Variants in CCDC85C observed in about 807,000 individuals in gnomAD.
CCDC85C encodes coiled-coil domain containing 85C.
CCDC85C carries 18 observed loss-of-function variants against 38.3 expected under a neutral mutation model. That is an observed-to-expected ratio of 0.47 (90% CI 0.33 to 0.70). The LOEUF (loss-of-function observed/expected upper bound fraction) is 0.70, where lower values mean the gene tolerates loss of function less well. Ranked by LOEUF, CCDC85C falls within the 30% of genes least tolerant of loss-of-function variation. CCDC85C has a pLI of 0.03. For synonymous variants in CCDC85C, 264 were observed against 293.8 expected (o/e 0.90, Z 1.04); for missense variants, 566 against 621.2 (o/e 0.91, Z 0.94).
At chr14:99,531,865 G>GTTT (rs1408381304) in intron 2 of CCDC85C, among the ~76,000 whole-genome samples, 1 of 152,218 alleles carries the variant, frequency 6.6e-6, no homozygotes, top group Non-Finnish European at 1.5e-5. Flanking sequence ...CTTTCTTCAA[G>GTTT]ATTCCCAAAC....
Position 99,500,494 on chromosome 14 carries a change from T to C in CCDC85C, c.*14752A>G, listed in dbSNP as rs1057127159. 5.8e-6 allele frequency: 2 copies of C among 344,554 alleles called. No homozygotes were observed. The highest frequency in any genetic ancestry group is 1.1e-5 in the Non-Finnish European group (2 of 190,378). 21.3% of individuals were successfully genotyped at this position (344,554 alleles called of 1,614,324 possible). On this transcript the variant is annotated 3_prime_UTR_variant, in exon 6 of 6. Transcript: ENST00000380243. Reference sequence around the variant, plus strand: ...TGTTTTGTAAAGGGAGACTCATGTATGTATTGAAAATAATAATATTTTTAA... The same window carrying C: ...TGTTTTGTAAAGGGAGACTCATGTACGTATTGAAAATAATAATATTTTTAA...
chr14:99,565,887 G>A (rs111654658), intron 1 of CCDC85C, among the ~76,000 whole-genome samples: 44 of 152,218 alleles, frequency 2.9e-4, no homozygotes, highest in African/African-American at 1.1e-3. Flanking sequence ...ATACACGAGG[G>A]CATGCCAGCA....
chr14:99,534,764 C>A, intron 2 of CCDC85C: 4 of 701,540 alleles, frequency 5.7e-6, no homozygotes, highest in South Asian at 3.0e-5. Context: ...GAGACCCCAG[C>A]CCCTCCTGCC....
At chr14:99,540,157 G>C (rs972132540) in intron 1 of CCDC85C, among the ~76,000 whole-genome samples, 4 of 151,922 alleles carry the variant, frequency 2.6e-5, no homozygotes, top group Admixed American at 1.3e-4. Context: ...AAAAAAAAGG[G>C]GGGGGAACGG....
intron 1 of CCDC85C, 83 bp from the exon 2 acceptor site, chr14:99,536,171 G>A (rs767274140): frequency 1.7e-4 from 168 of 988,866 alleles, no homozygotes; most frequent in African/African-American, 1.0e-3. Context: ...CCCCAGACCC[G>A]GCATGGAAGG....
At position 99,502,443 on chromosome 14, in the gene CCDC85C, T is replaced by G. The variant is rs1896856283; in HGVS notation, c.*12803A>C. On this transcript the variant is annotated 3_prime_UTR_variant, in exon 6 of 6. Transcript: ENST00000380243. Reference sequence around the variant, plus strand: ...TGAGATGATTCTTCCATGTGTACCCTGAGTCCCAAGAATGGATTTTCCCAG... The same window carrying G: ...TGAGATGATTCTTCCATGTGTACCCGGAGTCCCAAGAATGGATTTTCCCAG... 6.4e-7 allele frequency: 1 copy of G among 1,551,804 alleles called. No homozygotes were observed. The highest frequency in any genetic ancestry group is 8.7e-7 in the Non-Finnish European group (1 of 1,150,868).
chr14:99,563,979 C>T (rs539495021), intron 1 of CCDC85C, among the ~76,000 whole-genome samples: 45 of 152,284 alleles, frequency 3.0e-4, no homozygotes, highest in African/African-American at 8.7e-4. Context: ...AGCCTGGGCA[C>T]GGACCATCTG....
chr14:99,571,868 C>T (rs1225705616), intron 1 of CCDC85C, among the ~76,000 whole-genome samples: 1 of 152,212 alleles, frequency 6.6e-6, no homozygotes, highest in East Asian at 1.9e-4. Context: ...CCTTTTCTTC[C>T]TGCTTTCTGG....
At chr14:99,570,129 A>G (rs1184250686) in intron 1 of CCDC85C, among the ~76,000 whole-genome samples, 1 of 152,078 alleles carries the variant, frequency 6.6e-6, no homozygotes, top group African/African-American at 2.4e-5. Context: ...ATCCACGCGC[A>G]GCTTTCACAT....
chr14:99,503,753 C>A lies in CCDC85C; in HGVS notation c.*11493G>T. The A allele has an allele frequency of 1.1e-6, 1 of 917,218 alleles. No homozygotes were observed. Among genetic ancestry groups the A allele is most frequent in the Non-Finnish European group, 1.7e-6 (1 of 601,032 alleles). The allele number at this position is 917,218 out of a possible 1,614,324, so 56.8% of individuals were successfully genotyped here. A position where few individuals can be genotyped will look rare whatever the true frequency, so the allele number is the denominator to read the frequency against. Reference sequence around the variant, plus strand: ...GATCTAAATTGGCCTTAAATCTTAACTTTAGAGCTCATACAAAACTTTTCC... The same window carrying A: ...GATCTAAATTGGCCTTAAATCTTAAATTTAGAGCTCATACAAAACTTTTCC... On this transcript the variant is annotated 3_prime_UTR_variant, in exon 6 of 6. Coordinates refer to ENST00000380243, the MANE Select transcript of CCDC85C (RefSeq NM_001144995.2).
chr14:99,591,331 C>T (rs2055083849), intron 1 of CCDC85C, among the ~76,000 whole-genome samples: 1 of 152,274 alleles, frequency 6.6e-6, no homozygotes, highest in African/African-American at 2.4e-5. Context: ...TGGACCCCCA[C>T]ATGCGCCCGC....
At chr14:99,586,678 C>T (rs1415752398) in intron 1 of CCDC85C, among the ~76,000 whole-genome samples, 4 of 152,210 alleles carry the variant, frequency 2.6e-5, no homozygotes, top group African/African-American at 9.7e-5. Flanking sequence ...GGCATTATTT[C>T]CAGATGCCAA....
Position 99,501,058 on chromosome 14 carries a change from C to T in CCDC85C, c.*14188G>A, listed in dbSNP as rs1896812403. 2 of 604,612 alleles carry T rather than the reference C, an allele frequency of 3.3e-6. No homozygotes were observed. The allele number at this position is 604,612 out of a possible 1,614,324, so 37.5% of individuals were successfully genotyped here. A position where few individuals can be genotyped will look rare whatever the true frequency, so the allele number is the denominator to read the frequency against. ...CTGTTTCCTTTTATGTATAAACAGG[C>T]TCTGTCATCCAGTTGCCAAGTGATG... On this transcript the variant is annotated 3_prime_UTR_variant, in exon 6 of 6. Coordinates refer to ENST00000380243, the MANE Select transcript of CCDC85C (RefSeq NM_001144995.2).
intron 1 of CCDC85C, among the ~76,000 whole-genome samples, chr14:99,542,843 G>C (rs1897739090): frequency 3.3e-5 from 5 of 152,212 alleles, no homozygotes. Context: ...GAGCACTTCG[G>C]GTTTCCCCCA....
In CCDC85C at chr14:99,500,631, G is replaced by A. The variant is rs1896801769; in HGVS notation, c.*14615C>T. ...CTGAGCATGTTAAAAGTCTGAGTGG[G>A]AGAGAAAGGAAGGAAAGGCAGTTGC... is the stretch of plus-strand genomic sequence containing the variant. On this transcript the variant is annotated 3_prime_UTR_variant, in exon 6 of 6. Transcript: ENST00000380243. 3.0e-6 allele frequency: 2 copies of A among 664,114 alleles called. No individual in the cohort carries two copies. Among genetic ancestry groups the A allele is most frequent in the East Asian group, 2.8e-5 (1 of 35,248 alleles). 41.1% of individuals were successfully genotyped at this position (664,114 alleles called of 1,614,324 possible). A position where few individuals can be genotyped will look rare whatever the true frequency, so the allele number is the denominator to read the frequency against.
In CCDC85C at chr14:99,501,665, A is replaced by C; in HGVS notation, c.*13581T>G. 2.1e-6 allele frequency: 1 copy of C among 466,300 alleles called. No individual in the cohort carries two copies. 28.9% of individuals were successfully genotyped at this position (466,300 alleles called of 1,614,324 possible). A position where few individuals can be genotyped will look rare whatever the true frequency, so the allele number is the denominator to read the frequency against. ...TCACCAGTCTGAAACATAAGTCCAA[A>C]ACAATACACTGGAGAATTTTGAAAA... On this transcript the variant is annotated 3_prime_UTR_variant, in exon 6 of 6. Transcript: ENST00000380243.
rs796370747 is a variant in CCDC85C at position 99,571,032 on chromosome 14, G to A, written c.793+32135C>T. Among the ~76,000 whole-genome samples the A allele has an allele frequency of 3.0e-4, 46 of 152,192 alleles. 1 individual carries two copies. The highest frequency in any genetic ancestry group is 9.9e-4 in the African/African-American group (41 of 41,532). ...CTTCCCCCACTCCCACCTACTGTCC[G>A]GCCAGCCCTGCCACCCCTGCCTGTG... is the stretch of plus-strand genomic sequence containing the variant. On this transcript the variant is annotated intron_variant, in intron 1 of 5. Transcript: ENST00000380243.
rs2139946018 is a variant in CCDC85C, at chr14:99,558,540, G to C, written c.794-22452C>G. ...GGAGGCTGAGGCAGGAGAATTGCTT[G>C]AACCCAGGAGGTGGAGGTTGCAGTG... On this transcript the variant is annotated intron_variant, in intron 1 of 5. Coordinates refer to ENST00000380243, the MANE Select transcript of CCDC85C (RefSeq NM_001144995.2). The surrounding 1 kb of genome is among the most constrained non-coding windows in gnomAD (Gnocchi z 4.2). Among the ~76,000 whole-genome samples the C allele has an allele frequency of 6.6e-6, 1 of 152,346 alleles. No homozygotes were observed. The highest frequency in any genetic ancestry group is 1.9e-4 in the East Asian group (1 of 5,182).
rs1897164731 is a variant in CCDC85C at position 99,513,081 on chromosome 14, T to C, written c.*2165A>G. 6.6e-6 allele frequency: 1 copy of C among 152,210 alleles called. No homozygotes were observed. 9.4% of individuals were successfully genotyped at this position (152,210 alleles called of 1,614,324 possible). ...TGTTCCACTGATCCCTGGATGCCAC[T>C]GCAGCATTAAAGACAGGGTCAGTCC... On this transcript the variant is annotated 3_prime_UTR_variant, in exon 6 of 6. Coordinates refer to ENST00000380243, the MANE Select transcript of CCDC85C (RefSeq NM_001144995.2).
Sources: gnomAD v4.1 joint callset for allele counts (sites outside exome capture counted in the v4.1 genomes callset) on GRCh38, gnomAD v4.1.1 for gene constraint, Gnocchi (gnomAD v3.1) non-coding constraint, MANE v1.5 for transcripts, NCBI Gene and HGNC (gene_info 2026-07-23, HGNC 2026-07-21) for gene names.